Variants in ZSWIM6 observed in about 807,000 individuals in gnomAD.
The protein encoded by ZSWIM6 is zinc finger SWIM-type containing 6.
A neutral mutation model predicts 113.2 loss-of-function variants in ZSWIM6; 9 were observed. The observed-to-expected ratio is 0.08, with a 90% confidence interval of 0.05 to 0.14. The LOEUF is 0.14. Among genes scored for constraint, ZSWIM6 ranks in the 10% least tolerant of loss-of-function variants. The pLI, the probability that ZSWIM6 is intolerant of heterozygous loss-of-function variation, is 1.00. For synonymous variants in ZSWIM6, 611 were observed against 606.5 expected (o/e 1.01, Z -0.11); for missense variants, 1,162 against 1,552.2 (o/e 0.75, Z 4.22).
At position 61,378,658 on chromosome 5, in the gene ZSWIM6, C is replaced by T. The variant is rs151028604; in HGVS notation, c.676+45710C>T. ...ACAACCTCCGCCTCCCAGGTTCAAT[C>T]GGTTTTCCTGCCTCAGCCTCCCAAG... is the stretch of plus-strand genomic sequence containing the variant. On this transcript the variant is annotated intron_variant, in intron 1 of 13. Coordinates refer to ENST00000252744, the MANE Select transcript of ZSWIM6 (RefSeq NM_020928.2). Among the ~76,000 whole-genome samples the T allele has an allele frequency of 4.6e-3, 700 of 152,132 alleles. 3 individuals are homozygous for T. Among genetic ancestry groups the T allele is most frequent in the African/African-American group, 0.016 (658 of 41,524 alleles).
At chr5:61,465,201 C>G (rs1286740417) in intron 1 of ZSWIM6, among the ~76,000 whole-genome samples, 1 of 152,200 alleles carries the variant, frequency 6.6e-6, no homozygotes, top group African/African-American at 2.4e-5. Flanking sequence ...TGCAGAGTTA[C>G]AGTTGTGAAA....
chr5:61,391,002 G>T, intron 1 of ZSWIM6: 1 of 754,182 alleles, frequency 1.3e-6, no homozygotes, highest in Non-Finnish European at 2.4e-6. Flanking sequence ...CCCTGACAAA[G>T]TATCCCTGGC....
intron 1 of ZSWIM6, chr5:61,391,189 T>TA (rs1745700842): frequency 1.2e-6 from 1 of 840,192 alleles, no homozygotes; most frequent in South Asian, 1.3e-5. Flanking sequence ...GACCCCTTTG[T>TA]AGCCATTGCC....
At chr5:61,494,532 G>C in intron 4 of ZSWIM6, 122 bp downstream of exon 4, 1 of 1,280,734 alleles carries the variant, frequency 7.8e-7, no homozygotes, top group South Asian at 1.4e-5. Context: ...GGAACGTGTT[G>C]CCAATATATA....
intron 4 of ZSWIM6, among the ~76,000 whole-genome samples, chr5:61,517,152 A>G (rs566300342): frequency 6.6e-6 from 1 of 152,166 alleles, no homozygotes; most frequent in Non-Finnish European, 1.5e-5. Flanking sequence ...GAGGTTGGCT[A>G]AGCTTCTTGG....
At chr5:61,453,330 T>C (rs1747123786) in intron 1 of ZSWIM6, among the ~76,000 whole-genome samples, 1 of 152,028 alleles carries the variant, frequency 6.6e-6, no homozygotes, top group African/African-American at 2.4e-5. Context: ...CATACAATTA[T>C]CACTTTTGTG....
At chr5:61,490,313 CTT>C (rs1050235477) in intron 2 of ZSWIM6, among the ~76,000 whole-genome samples, 12 of 152,032 alleles carry the variant, frequency 7.9e-5, no homozygotes, top group Non-Finnish European at 1.3e-4. Flanking sequence ...CAACTAAAGA[CTT>C]ATGTCAGCAT....
At chr5:61,495,074 T>C (rs1748281457) in intron 4 of ZSWIM6, among the ~76,000 whole-genome samples, 2 of 152,174 alleles carry the variant, frequency 1.3e-5, no homozygotes, top group South Asian at 4.1e-4. Context: ...TATCTTGTCT[T>C]TTTATTAAGA....
intron 1 of ZSWIM6, among the ~76,000 whole-genome samples, chr5:61,361,923 A>G (rs1036502211): frequency 6.6e-6 from 1 of 152,186 alleles, no homozygotes; most frequent in Non-Finnish European, 1.5e-5. Flanking sequence ...TTAGAACGCT[A>G]ACAGACAAAC....
intron 4 of ZSWIM6, among the ~76,000 whole-genome samples, chr5:61,516,355 T>A (rs1748939455): frequency 6.7e-6 from 1 of 149,220 alleles, no homozygotes; most frequent in African/African-American, 2.4e-5. Context: ...GGTATCAGCA[T>A]TGTAGTAAAC....
At chr5:61,419,842 T>C (rs1746322149) in intron 1 of ZSWIM6, among the ~76,000 whole-genome samples, 1 of 152,206 alleles carries the variant, frequency 6.6e-6, no homozygotes, top group Admixed American at 6.5e-5. Context: ...AATAGGTTGA[T>C]CTGGGCTGGA....
rs572775359 is a variant in ZSWIM6, at chr5:61,540,247, C to T, written c.2703+488C>T. Among the ~76,000 whole-genome samples, 4 of 152,188 alleles carry T rather than the reference C, an allele frequency of 2.6e-5. No individual in the cohort carries two copies. The South Asian group carries it at 8.3e-4, about 32-fold the overall frequency. ...AAAGGAGGAGTGATCGGGCCAGAGTCCAGTTTTAGATTTCAGCAGAACAGA... is the reference window on the plus strand; with the variant it reads ...AAAGGAGGAGTGATCGGGCCAGAGTTCAGTTTTAGATTTCAGCAGAACAGA... On this transcript the variant is annotated intron_variant, in intron 12 of 13. Transcript: ENST00000252744.
At chr5:61,473,326 CACTT>C (rs1747621620) in intron 2 of ZSWIM6, among the ~76,000 whole-genome samples, 1 of 152,150 alleles carries the variant, frequency 6.6e-6, no homozygotes, top group Admixed American at 6.5e-5. Context: ...TTATGCAGAA[CACTT>C]ACTTAATTCA....
rs186403934 is a variant in ZSWIM6 at position 61,392,993 on chromosome 5, C to T, written c.676+60045C>T. ...TGATCTAAAATGGCCATGTTGTGTT[C>T]TCATATATATATATAAAATCTGTTT... On this transcript the variant is annotated intron_variant, in intron 1 of 13. Transcript: ENST00000252744. Among the ~76,000 whole-genome samples the T allele has an allele frequency of 6.5e-4, 99 of 152,030 alleles. 1 individual carries two copies. The highest frequency in any genetic ancestry group is 2.1e-3 in the Admixed American group (32 of 15,270).
At chr5:61,536,268 C>G (rs1173839711) in intron 10 of ZSWIM6, among the ~76,000 whole-genome samples, 2 of 152,178 alleles carry the variant, frequency 1.3e-5, no homozygotes, top group East Asian at 3.8e-4. Context: ...TTTCTACCTT[C>G]TTTTAAAAGT....
intron 3 of ZSWIM6, among the ~76,000 whole-genome samples, chr5:61,492,754 T>C (rs1748215974): frequency 6.6e-6 from 1 of 152,112 alleles, no homozygotes; most frequent in Non-Finnish European, 1.5e-5. Flanking sequence ...TTTGAGTTCT[T>C]TATAAAGCTC....
At chr5:61,375,015 A>T in intron 1 of ZSWIM6, 2 of 1,094,714 alleles carry the variant, frequency 1.8e-6, no homozygotes, top group East Asian at 5.0e-5. Flanking sequence ...GAAAAAGAAG[A>T]GTAATGAGAG....
chr5:61,498,223 A>G (rs1447684276), intron 4 of ZSWIM6, among the ~76,000 whole-genome samples: 1 of 152,146 alleles, frequency 6.6e-6, no homozygotes, highest in Non-Finnish European at 1.5e-5. Flanking sequence ...TTTATCTTCA[A>G]CTGTTACATA....
intron 1 of ZSWIM6, among the ~76,000 whole-genome samples, chr5:61,364,048 TTCTC>T (rs765308722): frequency 1.4e-5 from 2 of 144,988 alleles, no homozygotes; most frequent in Non-Finnish European, 3.0e-5. Context: ...TTTCTCTCCT[TTCTC>T]TCTTTCTTTC....
Sources: allele counts gnomAD v4.1 joint callset (sites outside exome capture counted in the v4.1 genomes callset), GRCh38; gene constraint gnomAD v4.1.1; transcripts MANE v1.5; gene names NCBI Gene and HGNC (gene_info 2026-07-23, HGNC 2026-07-21).